The following TRPM6 variants were observed in gnomAD, a reference collection of about 807,000 sequenced individuals.
TRPM6 encodes the protein channel kinase 2.
In TRPM6, 111 loss-of-function variants were observed where a neutral mutation model predicts 247.6. The ratio of observed to expected loss-of-function variants is 0.45; its 90% CI spans 0.38 to 0.52. The LOEUF (loss-of-function observed/expected upper bound fraction) is 0.52. Ranked by LOEUF, TRPM6 falls within the 20% of genes least tolerant of loss-of-function variation. The probability of loss-of-function intolerance (pLI) is 0.00; values close to 1 mark genes in which losing one functional copy is unlikely to be tolerated. For missense variants in TRPM6, 2,126 were observed against 2,421.5 expected, an observed-to-expected ratio of 0.88 and a Z score of 2.56; for synonymous variants, 892 against 853.8, an observed-to-expected ratio of 1.04 and a Z score of -0.78.
At chr9:74,814,170 G>T (rs1441662771) in intron 11 of TRPM6, among the ~76,000 whole-genome samples, 1 of 152,130 alleles carries the variant, frequency 6.6e-6, no homozygotes. Flanking sequence ...GAGCAAGTTT[G>T]CTGTCACAAA....
At chr9:74,771,569 T>C (rs560295573) in intron 25 of TRPM6, 134 bp downstream of exon 25, 2 of 805,230 alleles carry the variant, frequency 2.5e-6, no homozygotes, top group East Asian at 2.7e-5. Flanking sequence ...ATGAATATTA[T>C]ATGTTGTTAA....
At chr9:74,817,065 G>T in intron 9 of TRPM6, 101 bp from the exon 10 acceptor site, 1 of 1,079,434 alleles carries the variant, frequency 9.3e-7, no homozygotes, top group Non-Finnish European at 1.4e-6. Context: ...ATGAATTGAG[G>T]AAAACATTCT....
At chr9:74,770,290 AC>A (rs747059826) in intron 25 of TRPM6, among the ~76,000 whole-genome samples, 1 of 152,206 alleles carries the variant, frequency 6.6e-6, no homozygotes, top group Admixed American at 6.5e-5. Flanking sequence ...TCAGAAAAAA[AC>A]ATGCATAATT....
At chr9:74,883,840 A>G (rs1212580028) in intron 1 of TRPM6, among the ~76,000 whole-genome samples, 2 of 152,200 alleles carry the variant, frequency 1.3e-5, no homozygotes, top group Admixed American at 1.3e-4. Context: ...TTCCATCTCA[A>G]TAAAATAAAA....
At chr9:74,759,280 G>T (rs1826542348) in intron 27 of TRPM6, among the ~76,000 whole-genome samples, 1 of 148,602 alleles carries the variant, frequency 6.7e-6, no homozygotes, top group Non-Finnish European at 1.5e-5. Context: ...ATATGGAAAT[G>T]CAAAGAACAC....
intron 11 of TRPM6, among the ~76,000 whole-genome samples, chr9:74,814,258 A>G (rs749770607): frequency 2.6e-5 from 4 of 152,146 alleles, no homozygotes; most frequent in Non-Finnish European, 4.4e-5. Context: ...AAAACAATTG[A>G]ATCCATGGAG....
At chr9:74,838,424 A>T (rs531787414) in intron 5 of TRPM6, among the ~76,000 whole-genome samples, 3 of 152,244 alleles carry the variant, frequency 2.0e-5, no homozygotes, top group Admixed American at 6.5e-5. Context: ...TGATGGGCCA[A>T]ATCCCTTGGT....
chr9:74,850,217 C>G (rs1401017528), intron 3 of TRPM6, among the ~76,000 whole-genome samples: 3 of 151,702 alleles, frequency 2.0e-5, no homozygotes, highest in Non-Finnish European at 4.4e-5. Context: ...ACTAAAAATA[C>G]AAAAATCAGC....
intron 14 of TRPM6, among the ~76,000 whole-genome samples, chr9:74,806,930 A>T (rs902564625): frequency 5.9e-5 from 9 of 152,220 alleles, no homozygotes; most frequent in African/African-American, 2.2e-4. Flanking sequence ...AAGGGCACTA[A>T]GGGAACTTCC....
intron 1 of TRPM6, among the ~76,000 whole-genome samples, chr9:74,884,286 C>T (rs1474441347): frequency 6.6e-6 from 1 of 152,016 alleles, no homozygotes; most frequent in Non-Finnish European, 1.5e-5. Context: ...GTCAAGAAAT[C>T]AAGACCATCC....
chr9:74,824,913 A>G (rs1829275247), intron 7 of TRPM6, among the ~76,000 whole-genome samples: 1 of 151,948 alleles, frequency 6.6e-6, no homozygotes, highest in Non-Finnish European at 1.5e-5. Flanking sequence ...TTCTCTGCCA[A>G]CAACAAGGGT....
intron 25 of TRPM6, among the ~76,000 whole-genome samples, chr9:74,768,874 G>A (rs1247931400): frequency 2.0e-5 from 3 of 152,114 alleles, no homozygotes; most frequent in African/African-American, 4.8e-5. Flanking sequence ...TAGAGTAAAC[G>A]GCTCTCCATA....
In TRPM6 at chr9:74,785,982, C is replaced by A. The variant is rs145231172; in HGVS notation, c.2811G>T (p.Ala937=). 6.2e-7 allele frequency: 1 copy of A among 1,614,158 alleles called. No individual in the cohort carries two copies. Among genetic ancestry groups the A allele is most frequent in the Non-Finnish European group, 8.5e-7 (1 of 1,180,044 alleles). ...LRWGDPPFHT[A]GRLIYCIDII... ...TGTCTATGCAGTAGATCAGTCTTCC[C>A]GCTGTGTGAAAAGGAGGGTCACCCC... The change falls in exon 21 of 39, where the codon GCG becomes GCT. Residue 937 remains alanine (A), a synonymous_variant. Transcript: ENST00000360774.
chr9:74,737,274 C>A, intron 36 of TRPM6: 1 of 763,342 alleles, frequency 1.3e-6, no homozygotes, highest in Non-Finnish European at 1.8e-6. Context: ...TTAAAAAATG[C>A]ACTTATATGT....
chr9:74,774,721 T>C lies in TRPM6; in HGVS notation c.3403+1162A>G, dbSNP rs181895610. Among the ~76,000 whole-genome samples, 3 of 152,312 alleles carry C rather than the reference T, an allele frequency of 2.0e-5. No individual in the cohort carries two copies. In the East Asian group the frequency reaches 5.8e-4, roughly 29 times the overall value. ...TTCTAGTTTCAGAAAATTAATATAG[T>C]GAGTATGTCATAAATGAAGTGAAAT... On this transcript the variant is annotated intron_variant, in intron 24 of 38. Coordinates refer to ENST00000360774, the MANE Select transcript of TRPM6 (RefSeq NM_017662.5).
At chr9:74,809,556 C>G (rs185923033) in intron 13 of TRPM6, among the ~76,000 whole-genome samples, 1 of 151,940 alleles carries the variant, frequency 6.6e-6, no homozygotes, top group Non-Finnish European at 1.5e-5. Context: ...CATATTTAAC[C>G]TAGTTCATCA....
rs1828437990 is a variant in TRPM6 at position 74,803,954 on chromosome 9, A to G, written c.1639-68T>C. The G allele has an allele frequency of 9.2e-6, 9 of 981,872 alleles. 1 individual carries two copies. The South Asian group carries it at 1.1e-4, about 13-fold the overall frequency. 60.8% of individuals were successfully genotyped at this position (981,872 alleles called of 1,614,324 possible). A position where few individuals can be genotyped will look rare whatever the true frequency, so the allele number is the denominator to read the frequency against. On this transcript the variant is annotated intron_variant, in intron 14 of 38. Coordinates refer to ENST00000360774, the MANE Select transcript of TRPM6 (RefSeq NM_017662.5). Reference sequence around the variant, plus strand: ...TATTATTTTATTTTTAAAATAAAACAAAAGGAGGGGAGATTATAGTGGTAA... The same window carrying G: ...TATTATTTTATTTTTAAAATAAAACGAAAGGAGGGGAGATTATAGTGGTAA...
At chr9:74,768,324 G>T (rs983954597) in intron 25 of TRPM6, among the ~76,000 whole-genome samples, 2 of 152,016 alleles carry the variant, frequency 1.3e-5, no homozygotes, top group African/African-American at 4.8e-5. Flanking sequence ...GGGCATAATC[G>T]CTTCCTCTGT....
At chr9:74,742,015 C>G (rs1277741393) in intron 33 of TRPM6, among the ~76,000 whole-genome samples, 1 of 152,156 alleles carries the variant, frequency 6.6e-6, no homozygotes, top group Non-Finnish European at 1.5e-5. Context: ...GCTATATTGT[C>G]AACTTGCTCA....
Sources: allele counts gnomAD v4.1 joint callset (sites outside exome capture counted in the v4.1 genomes callset), GRCh38; gene constraint gnomAD v4.1.1; transcripts MANE v1.5; gene names NCBI Gene and HGNC (gene_info 2026-07-23, HGNC 2026-07-21).